ASB3: variants seen among roughly 807,000 people sequenced by gnomAD.
ASB3 encodes ankyrin repeat and SOCS box containing 3.
A neutral mutation model predicts 54.5 loss-of-function variants in ASB3; 41 were observed. The ratio of observed to expected loss-of-function variants is 0.75; its 90% confidence interval spans 0.59 to 0.98. ASB3 has a LOEUF of 0.98. Among genes scored for constraint, ASB3 ranks in the 50% least tolerant of loss-of-function variants. ASB3 has a pLI of 0.00. For synonymous variants in ASB3, 266 were observed against 221.2 expected, an observed-to-expected ratio of 1.20 and a Z score of -1.80; for missense variants, 733 against 620.0, an observed-to-expected ratio of 1.18 and a Z score of -1.94.
intron 7 of ASB3, among the ~76,000 whole-genome samples, chr2:53,705,698 A>G (rs1204715099): frequency 6.6e-6 from 1 of 152,158 alleles, no homozygotes; most frequent in African/African-American, 2.4e-5. Flanking sequence ...GATTTTAATG[A>G]CATGAATGTT....
At chr2:53,713,082 T>C (rs975368614) in intron 7 of ASB3, among the ~76,000 whole-genome samples, 2 of 152,198 alleles carry the variant, frequency 1.3e-5, no homozygotes, top group African/African-American at 4.8e-5. Flanking sequence ...CTCACACCTA[T>C]AATCCCATCA....
intron 1 of ASB3, among the ~76,000 whole-genome samples, chr2:53,778,182 C>T (rs114567067): frequency 2.0e-5 from 3 of 147,610 alleles, no homozygotes; most frequent in African/African-American, 7.5e-5. Context: ...AGAGTGTAAG[C>T]AATCTTTAAT....
intron 3 of ASB3, among the ~76,000 whole-genome samples, chr2:53,737,009 G>A (rs1306253312): frequency 6.6e-6 from 1 of 152,116 alleles, no homozygotes; most frequent in African/African-American, 2.4e-5. Flanking sequence ...ATGTCTAAAA[G>A]AAGATATTGA....
intron 1 of ASB3, among the ~76,000 whole-genome samples, chr2:53,781,476 A>AAT (rs1674645962): frequency 6.6e-6 from 1 of 150,650 alleles, no homozygotes; most frequent in African/African-American, 2.4e-5. Context: ...GGTAGGGCTT[A>AAT]ACCCCTTTGA....
chr2:53,691,622 T>C (rs547171680), intron 9 of ASB3, among the ~76,000 whole-genome samples: 2 of 152,044 alleles, frequency 1.3e-5, no homozygotes, highest in African/African-American at 4.8e-5. Flanking sequence ...TTACTAGAGA[T>C]CCTGTAGCTC....
At position 53,728,835 on chromosome 2, in the gene ASB3, T is replaced by A; in HGVS notation, c.481A>T (p.Ile161Phe). ...CCTTTTCTAAGAAGCAATTTTATGA[T>A]CTCAGCATTTTCCTAAAGCACAGAT... ...HQASFQENAE[I>F]IKLLLRKGAN... Residue 161 changes from isoleucine (I) to phenylalanine (F), a missense_variant, in exon 5 of 10, where the codon ATC becomes TTC. Physicochemically the swap from Ile to Phe is conservative, Grantham distance 21. Transcript: ENST00000263634. The A allele has an allele frequency of 6.2e-7, 1 of 1,605,408 alleles. No homozygotes were observed. The highest frequency in any genetic ancestry group is 8.5e-7 in the Non-Finnish European group (1 of 1,175,658).
At chr2:53,780,271 G>A (rs1434126137) in intron 1 of ASB3, among the ~76,000 whole-genome samples, 1 of 151,908 alleles carries the variant, frequency 6.6e-6, no homozygotes, top group Non-Finnish European at 1.5e-5. Context: ...TCCCACTGAC[G>A]TACTCCCCTG....
chr2:53,731,962 G>C (rs1671343892), intron 3 of ASB3, among the ~76,000 whole-genome samples: 1 of 149,306 alleles, frequency 6.7e-6, no homozygotes, highest in South Asian at 2.1e-4. Context: ...CCCCACAACA[G>C]TTTGTTTTAT....
At chr2:53,708,903 C>T (rs1223552055) in intron 7 of ASB3, among the ~76,000 whole-genome samples, 2 of 152,160 alleles carry the variant, frequency 1.3e-5, no homozygotes, top group Non-Finnish European at 2.9e-5. Context: ...AAGACAGGAC[C>T]TAATGTTGGA....
intron 1 of ASB3, among the ~76,000 whole-genome samples, chr2:53,773,209 T>C (rs1157945247): frequency 6.6e-6 from 1 of 152,182 alleles, no homozygotes; most frequent in Non-Finnish European, 1.5e-5. Context: ...ACTTTGTTTC[T>C]AGAATTTTTT....
intron 9 of ASB3, 68 bp from the exon 10 acceptor site, chr2:53,670,758 A>ATT: frequency 6.7e-7 from 1 of 1,500,222 alleles, no homozygotes; most frequent in Non-Finnish European, 8.9e-7. Context: ...ATAAAGGTAA[A>ATT]TTTTTTTTTC....
At chr2:53,735,986 C>CA (rs1228251727) in intron 3 of ASB3, among the ~76,000 whole-genome samples, 2 of 119,286 alleles carry the variant, frequency 1.7e-5, no homozygotes, top group Non-Finnish European at 3.5e-5. Context: ...GATTTAGAAA[C>CA]AACAAACCTT....
chr2:53,687,019 C>A (rs1668668672), intron 9 of ASB3, among the ~76,000 whole-genome samples: 1 of 152,180 alleles, frequency 6.6e-6, no homozygotes, highest in South Asian at 2.1e-4. Context: ...GGCGCCTGGC[C>A]AATTGCTCCT....
intron 3 of ASB3, among the ~76,000 whole-genome samples, chr2:53,737,121 A>G (rs1277971032): frequency 6.6e-6 from 1 of 152,220 alleles, no homozygotes; most frequent in African/African-American, 2.4e-5. Flanking sequence ...CATCCAAAAC[A>G]ATCATAAGAG....
intron 2 of ASB3, among the ~76,000 whole-genome samples, chr2:53,759,134 G>A (rs938806166): frequency 6.6e-6 from 1 of 152,202 alleles, no homozygotes; most frequent in Non-Finnish European, 1.5e-5. Flanking sequence ...ATGATAGGAT[G>A]ACAACAGAAG....
chr2:53,682,346 T>C (rs1173598521), intron 9 of ASB3, among the ~76,000 whole-genome samples: 2 of 152,222 alleles, frequency 1.3e-5, no homozygotes, highest in African/African-American at 4.8e-5. Flanking sequence ...CTTTAATTTC[T>C]TTCATCAGTG....
intron 6 of ASB3, 40 bp downstream of exon 6, chr2:53,716,526 G>A (rs752882853): frequency 6.3e-7 from 1 of 1,591,782 alleles, no homozygotes; most frequent in East Asian, 2.2e-5. Context: ...ATTAGCTTTT[G>A]ATTAAGAGAC....
chr2:53,734,162 A>AT (rs1299868441), intron 3 of ASB3, among the ~76,000 whole-genome samples: 1 of 152,090 alleles, frequency 6.6e-6, no homozygotes, highest in East Asian at 1.9e-4. Flanking sequence ...TGCTGCAGAG[A>AT]TTTTGTTTAT....
chr2:53,713,794 A>AC (rs1670235856), intron 7 of ASB3, among the ~76,000 whole-genome samples: 1 of 151,868 alleles, frequency 6.6e-6, no homozygotes, highest in Admixed American at 6.6e-5. Flanking sequence ...ACACCTGTAG[A>AC]CCCAGCTACT....
Sources: allele counts gnomAD v4.1 joint callset (sites outside exome capture counted in the v4.1 genomes callset), GRCh38; gene constraint gnomAD v4.1.1; transcripts MANE v1.5; gene names NCBI Gene and HGNC (gene_info 2026-07-23, HGNC 2026-07-21).